ZBTB1: variants seen among roughly 807,000 people sequenced by gnomAD.
The protein encoded by ZBTB1 is zinc finger and BTB domain containing 1.
A neutral mutation model predicts 51.6 loss-of-function variants in ZBTB1; 13 were observed. The ratio of observed to expected loss-of-function variants is 0.25; its 90% CI spans 0.16 to 0.40. ZBTB1 has a LOEUF of 0.40. Among genes scored for constraint, ZBTB1 ranks in the 10% least tolerant of loss-of-function variants. The pLI, the probability that ZBTB1 is intolerant of heterozygous loss-of-function variation, is 1.00. For synonymous variants in ZBTB1, 240 were observed against 282.2 expected (o/e 0.85, Z 1.50); for missense variants, 567 against 856.5 (o/e 0.66, Z 4.22).
chr14:64,525,020 TA>T (rs1290235973), downstream of ZBTB1: 1 of 792,728 alleles, frequency 1.3e-6, no homozygotes, highest in African/African-American at 1.9e-5. Flanking sequence ...AATTAACTCC[TA>T]ATTTTAAAAA....
upstream of ZBTB1, chr14:64,503,977 C>A (rs1250509989): frequency 6.6e-6 from 1 of 152,118 alleles, no homozygotes; most frequent in African/African-American, 2.4e-5. Flanking sequence ...ACTCTGTAGG[C>A]GGAAGCATAG....
chr14:64,522,908 A>G lies in ZBTB1; in HGVS notation c.1404A>G (p.Gln468=). The change falls in exon 2 of 2, where the codon CAA becomes CAG. Residue 468 remains glutamine (Q), a synonymous_variant. Coordinates refer to ENST00000683701, the MANE Select transcript of ZBTB1 (RefSeq NM_001123329.2). ...GTAGGCAGCTTCAGGAACATGCTCA[A>G]CGATGTGGCGAGCCCCAAGATCTGA... ...VKGRQLQEHA[Q]RCGEPQDLTM... The G allele has an allele frequency of 6.2e-7, 1 of 1,614,218 alleles. No individual in the cohort carries two copies. The highest frequency in any genetic ancestry group is 8.5e-7 in the Non-Finnish European group (1 of 1,180,024).
At chr14:64,531,974 CAGATCTGAAG>C in exon 3 of ZBTB1, 1 of 1,554,396 alleles carries the variant, frequency 6.4e-7, no homozygotes, top group Non-Finnish European at 8.8e-7. Context: ...CCAGGAATAT[CAGATCTGAAG>C]TGGCACCATC....
At chr14:64,504,994 C>T (rs566414287) in intron 1 of ZBTB1, 48 bp downstream of exon 1, 9 of 391,488 alleles carry the variant, frequency 2.3e-5, no homozygotes, top group Non-Finnish European at 4.1e-5. Context: ...TTGGCCCAGG[C>T]CGGAGGGCGA....
At chr14:64,529,762 C>T (rs1275129067), downstream of ZBTB1, among the ~76,000 whole-genome samples, 2 of 151,962 alleles carry the variant, frequency 1.3e-5, no homozygotes, top group Admixed American at 6.6e-5. Flanking sequence ...CAGAGCGAGA[C>T]CCTGTCGCAA....
At chr14:64,519,570 C>T (rs1389956286) in intron 1 of ZBTB1, among the ~76,000 whole-genome samples, 1 of 150,448 alleles carries the variant, frequency 6.6e-6, no homozygotes, top group East Asian at 2.0e-4. Flanking sequence ...TCAAGACCAG[C>T]CTGGACAACA....
At chr14:64,505,296 C>T (rs2079631731) in intron 1 of ZBTB1, 1 of 174,846 alleles carries the variant, frequency 5.7e-6, no homozygotes, top group South Asian at 2.0e-4. Flanking sequence ...GATTGACGTG[C>T]CTAGAGCCCG....
Position 64,504,900 on chromosome 14 carries a change from C to T in ZBTB1, c.-65C>T. On this transcript the variant is annotated 5_prime_UTR_variant, in exon 1 of 2. Transcript: ENST00000683701. ...GCCCGCCTTTCCCGCGGCTGATTTG[C>T]CTTAAACTCCCTAAAATCTCCGCAG... The T allele has an allele frequency of 5.0e-6, 2 of 396,114 alleles. No homozygotes were observed. The highest frequency in any genetic ancestry group is 8.8e-5 in the Admixed American group (2 of 22,612). The allele number at this position is 396,114 out of a possible 1,614,324, so 24.5% of individuals were successfully genotyped here.
chr14:64,504,911 C>T lies in ZBTB1; in HGVS notation c.-54C>T. ...CCGCGGCTGATTTGCCTTAAACTCCCTAAAATCTCCGCAGCTCTGGTTCCT... is the reference window on the plus strand; with the variant it reads ...CCGCGGCTGATTTGCCTTAAACTCCTTAAAATCTCCGCAGCTCTGGTTCCT... On this transcript the variant is annotated 5_prime_UTR_variant, in exon 1 of 2. Coordinates refer to ENST00000683701, the MANE Select transcript of ZBTB1 (RefSeq NM_001123329.2). The T allele has an allele frequency of 5.1e-6, 2 of 395,938 alleles. No individual in the cohort carries two copies. The highest frequency in any genetic ancestry group is 4.5e-6 in the Non-Finnish European group (1 of 223,972). 24.5% of individuals were successfully genotyped at this position (395,938 alleles called of 1,614,324 possible). A position where few individuals can be genotyped will look rare whatever the true frequency, so the allele number is the denominator to read the frequency against.
intron 1 of ZBTB1, among the ~76,000 whole-genome samples, chr14:64,512,185 T>A (rs927061299): frequency 6.6e-6 from 1 of 152,180 alleles, no homozygotes; most frequent in Non-Finnish European, 1.5e-5. Flanking sequence ...CTCTGAGAAG[T>A]ATGATTATCC....
chr14:64,517,439 A>G (rs1202951335), intron 1 of ZBTB1, among the ~76,000 whole-genome samples: 2 of 152,056 alleles, frequency 1.3e-5, no homozygotes, highest in African/African-American at 4.8e-5. Flanking sequence ...TCATTCTTGA[A>G]TTACTCTTAT....
intron 1 of ZBTB1, among the ~76,000 whole-genome samples, chr14:64,520,980 G>A (rs1175328732): frequency 6.6e-6 from 1 of 151,522 alleles, no homozygotes; most frequent in Non-Finnish European, 1.5e-5. Flanking sequence ...ACCCACTTTA[G>A]CCTCCCAAGT....
At chr14:64,506,469 G>A (rs2079658507) in intron 1 of ZBTB1, among the ~76,000 whole-genome samples, 1 of 152,136 alleles carries the variant, frequency 6.6e-6, no homozygotes, top group Non-Finnish European at 1.5e-5. Context: ...GGAGGCGGAG[G>A]TTGCAGTGAG....
At chr14:64,533,313 A>T (rs2079957067) in exon 3 of ZBTB1, 1 of 152,410 alleles carries the variant, frequency 6.6e-6, no homozygotes, top group Non-Finnish European at 1.5e-5. Flanking sequence ...AAAAAACCCT[A>T]GAGTTAATCT....
intron 1 of ZBTB1, among the ~76,000 whole-genome samples, chr14:64,517,652 C>T (rs576973516): frequency 1.7e-4 from 26 of 149,574 alleles, no homozygotes; most frequent in Non-Finnish European, 2.5e-4. Context: ...AAGGTTGTGG[C>T]GTGGATTTGT....
intron 1 of ZBTB1, among the ~76,000 whole-genome samples, chr14:64,516,415 A>T (rs1413929332): frequency 2.6e-5 from 4 of 152,228 alleles, no homozygotes; most frequent in African/African-American, 9.6e-5. Flanking sequence ...AATGTTACTT[A>T]AACTACAATT....
intron 1 of ZBTB1, among the ~76,000 whole-genome samples, chr14:64,510,813 A>G (rs1455071970): frequency 6.6e-6 from 1 of 152,222 alleles, no homozygotes; most frequent in African/African-American, 2.4e-5. Flanking sequence ...TTCATGAATC[A>G]TCTTCAAAAC....
At chr14:64,506,948 C>T (rs2079667938) in intron 1 of ZBTB1, among the ~76,000 whole-genome samples, 1 of 152,204 alleles carries the variant, frequency 6.6e-6, no homozygotes, top group Non-Finnish European at 1.5e-5. Flanking sequence ...TCCTCATTCT[C>T]CTCTTTTGCC....
chr14:64,525,249 A>AC, downstream of ZBTB1, among the ~76,000 whole-genome samples: 1 of 152,312 alleles, frequency 6.6e-6, no homozygotes, highest in African/African-American at 2.4e-5. Flanking sequence ...AAGGATAGGA[A>AC]CAGCACAGGA....
Sources: gnomAD v4.1 joint callset for allele counts (sites outside exome capture counted in the v4.1 genomes callset) on GRCh38, gnomAD v4.1.1 for gene constraint, MANE v1.5 for transcripts, NCBI Gene and HGNC (gene_info 2026-07-23, HGNC 2026-07-21) for gene names.